GRM7: variants seen among roughly 807,000 people sequenced by gnomAD.
The protein encoded by GRM7 is metabotropic glutamate receptor 7.
In GRM7, 35 loss-of-function variants were observed where a neutral mutation model predicts 84.5. The ratio of observed to expected loss-of-function variants is 0.41; its 90% confidence interval spans 0.32 to 0.55. The LOEUF (loss-of-function observed/expected upper bound fraction) is 0.55, where lower values mean the gene tolerates loss of function less well. Ranked by LOEUF, GRM7 falls within the 20% of genes least tolerant of loss-of-function variation. The pLI, the probability that GRM7 is intolerant of heterozygous loss-of-function variation, is 0.19. For missense variants in GRM7, 1,003 were observed against 1,194.6 expected, an observed-to-expected ratio of 0.84 and a Z score of 2.36; for synonymous variants, 487 against 455.1, an observed-to-expected ratio of 1.07 and a Z score of -0.89.
chr3:7,680,772 T>C lies in GRM7; in HGVS notation c.2698+477T>C, dbSNP rs180890831. The C allele has an allele frequency of 2.8e-3, 458 of 164,756 alleles. 9 individuals carry two copies. The highest frequency in any genetic ancestry group is 0.023 in the Admixed American group (399 of 17,124). 10.2% of individuals were successfully genotyped at this position (164,756 alleles called of 1,614,324 possible). A position where few individuals can be genotyped will look rare whatever the true frequency, so the allele number is the denominator to read the frequency against. The stretch of plus-strand genomic sequence containing the variant: ...ACTAATCAGGTCTTCTAGAAACATA[T>C]AAAATATTGGAAAAAGTTGTCAAAT... On this transcript the variant is annotated intron_variant, in intron 9 of 9. Coordinates refer to ENST00000357716, the MANE Select transcript of GRM7 (RefSeq NM_000844.4).
At chr3:7,686,252 T>C (rs1439928904) in intron 9 of GRM7, 2 of 601,622 alleles carry the variant, frequency 3.3e-6, no homozygotes, top group Non-Finnish European at 6.1e-6. Context: ...ATGATGTGTA[T>C]GGTCTCTATC....
At chr3:7,217,407 CAG>C (rs1446785770) in intron 2 of GRM7, among the ~76,000 whole-genome samples, 6 of 152,074 alleles carry the variant, frequency 3.9e-5, no homozygotes, top group Non-Finnish European at 1.5e-5. Flanking sequence ...CATTCTGGTT[CAG>C]AGTCTCACTA....
intron 1 of GRM7, among the ~76,000 whole-genome samples, chr3:7,077,970 G>A (rs972966400): frequency 2.0e-5 from 3 of 149,830 alleles, no homozygotes; most frequent in Non-Finnish European, 4.5e-5. Flanking sequence ...AGTAGGCTTT[G>A]CTGGCCACAC....
chr3:7,317,926 ATTT>A (rs753855514), intron 4 of GRM7, among the ~76,000 whole-genome samples: 1 of 152,104 alleles, frequency 6.6e-6, no homozygotes, highest in Non-Finnish European at 1.5e-5. Context: ...ATACCTCTCT[ATTT>A]TATTCATGTA....
chr3:6,978,163 A>T (rs1485425590), intron 1 of GRM7, among the ~76,000 whole-genome samples: 1 of 152,172 alleles, frequency 6.6e-6, no homozygotes. Flanking sequence ...AGAGAAAATC[A>T]AGTAGAAATA....
chr3:7,229,006 A>G (rs548118773), intron 2 of GRM7, among the ~76,000 whole-genome samples: 1 of 152,338 alleles, frequency 6.6e-6, no homozygotes, highest in South Asian at 2.1e-4. Context: ...TTTTTCTTTC[A>G]AAACCTCATA....
At position 6,921,913 on chromosome 3, in the gene GRM7, C is replaced by T. The variant is rs79218914; in HGVS notation, c.519+60006C>T. Among the ~76,000 whole-genome samples the T allele has an allele frequency of 2.5e-3, 377 of 152,270 alleles. 2 individuals carry two copies. The highest frequency in any genetic ancestry group is 8.8e-3 in the African/African-American group (366 of 41,566). Reference sequence around the variant, plus strand: ...AGAATCACAGACCGAGATGCTGGGACTGACTGTGTAGCACACTTGCCACTT... The same window carrying T: ...AGAATCACAGACCGAGATGCTGGGATTGACTGTGTAGCACACTTGCCACTT... On this transcript the variant is annotated intron_variant, in intron 1 of 9. Transcript: ENST00000357716.
At chr3:7,091,046 C>T (rs1161553450) in intron 1 of GRM7, among the ~76,000 whole-genome samples, 1 of 151,884 alleles carries the variant, frequency 6.6e-6, no homozygotes, top group Non-Finnish European at 1.5e-5. Context: ...ATTTATTTGT[C>T]CCAACAAACT....
At chr3:7,050,376 C>T (rs1696950244) in intron 1 of GRM7, among the ~76,000 whole-genome samples, 1 of 151,894 alleles carries the variant, frequency 6.6e-6, no homozygotes, top group African/African-American at 2.4e-5. Context: ...GTGAAGAAAT[C>T]AGGCTTTGCA....
chr3:7,218,867 C>A (rs987283602), intron 2 of GRM7, among the ~76,000 whole-genome samples: 2 of 151,682 alleles, frequency 1.3e-5, no homozygotes, highest in East Asian at 3.9e-4. Context: ...TAACATTTTT[C>A]TTTCAATAGC....
intron 4 of GRM7, among the ~76,000 whole-genome samples, chr3:7,414,532 C>T (rs940669175): frequency 3.9e-5 from 6 of 152,122 alleles, no homozygotes; most frequent in African/African-American, 1.2e-4. Context: ...CTGGCGTCCT[C>T]GTCCCTGCTC....
At chr3:7,206,385 G>A (rs1002078084) in intron 2 of GRM7, among the ~76,000 whole-genome samples, 1 of 152,096 alleles carries the variant, frequency 6.6e-6, no homozygotes, top group Non-Finnish European at 1.5e-5. Flanking sequence ...TGATAATTAG[G>A]CAAACCAATT....
At chr3:7,330,851 C>G (rs753694388) in intron 4 of GRM7, among the ~76,000 whole-genome samples, 2 of 152,108 alleles carry the variant, frequency 1.3e-5, no homozygotes, top group Non-Finnish European at 2.9e-5. Flanking sequence ...ACTTTCACAC[C>G]TAGAGACAGG....
chr3:7,588,989 T>C (rs142092835), intron 8 of GRM7, among the ~76,000 whole-genome samples: 31 of 152,326 alleles, frequency 2.0e-4, no homozygotes, highest in African/African-American at 7.2e-4. Flanking sequence ...ATTGTAATGA[T>C]TGGGTTTTAG....
intron 7 of GRM7, among the ~76,000 whole-genome samples, chr3:7,549,306 G>T (rs1693326384): frequency 6.6e-6 from 1 of 152,038 alleles, no homozygotes; most frequent in South Asian, 2.1e-4. Flanking sequence ...TATCTGTTGG[G>T]TCTGTATGGT....
chr3:7,264,017 T>C (rs1257505801), intron 2 of GRM7, among the ~76,000 whole-genome samples: 1 of 152,002 alleles, frequency 6.6e-6, no homozygotes, highest in Admixed American at 6.6e-5. Flanking sequence ...GGTGTGTCTG[T>C]AGGGGCTGCT....
At chr3:7,008,631 T>C (rs941256281) in intron 1 of GRM7, among the ~76,000 whole-genome samples, 8 of 152,228 alleles carry the variant, frequency 5.3e-5, no homozygotes, top group Non-Finnish European at 8.8e-5. Flanking sequence ...AACAACTTGA[T>C]GATGATTTTG....
chr3:7,297,019 C>G (rs1377606608), intron 2 of GRM7, among the ~76,000 whole-genome samples: 2 of 151,828 alleles, frequency 1.3e-5, no homozygotes, highest in South Asian at 2.1e-4. Context: ...TTTTGCTTTA[C>G]CTTTTATTAT....
At chr3:7,586,567 G>A (rs1695526742) in intron 8 of GRM7, among the ~76,000 whole-genome samples, 2 of 152,176 alleles carry the variant, frequency 1.3e-5, no homozygotes, top group South Asian at 4.1e-4. Context: ...CAGCACTTCG[G>A]GAGGCTGAGA....
Sources: gnomAD v4.1 joint callset for allele counts (sites outside exome capture counted in the v4.1 genomes callset) on GRCh38, gnomAD v4.1.1 for gene constraint, MANE v1.5 for transcripts, NCBI Gene and HGNC (gene_info 2026-07-23, HGNC 2026-07-21) for gene names.